Variants in SYNDIG1 observed in about 807,000 individuals in gnomAD.
SYNDIG1 encodes the protein synapse differentiation inducing 1.
SYNDIG1 carries 9 observed loss-of-function variants against 19.4 expected under a neutral mutation model. The observed-to-expected ratio is 0.46, with a 90% CI of 0.28 to 0.81. The LOEUF (loss-of-function observed/expected upper bound fraction) is 0.81, where lower values mean the gene tolerates loss of function less well. Ranked by LOEUF, SYNDIG1 falls within the 30% of genes least tolerant of loss-of-function variation. The probability of loss-of-function intolerance (pLI) is 0.12; values close to 1 mark genes in which losing one functional copy is unlikely to be tolerated. For missense variants in SYNDIG1, 311 were observed against 343.3 expected, an observed-to-expected ratio of 0.91 and a Z score of 0.74; for synonymous variants, 141 against 145.9, an observed-to-expected ratio of 0.97 and a Z score of 0.24.
At chr20:24,470,799 G>T (rs548836798) in intron 1 of SYNDIG1, among the ~76,000 whole-genome samples, 1 of 152,304 alleles carries the variant, frequency 6.6e-6, no homozygotes, top group Non-Finnish European at 1.5e-5. Context: ...GCACGCAGAG[G>T]CTTGGGCGCT....
chr20:24,585,055 G>GCCC, intron 3 of SYNDIG1, 62 bp downstream of exon 3: 11 of 685,352 alleles, frequency 1.6e-5, no homozygotes, highest in Non-Finnish European at 2.5e-5. Context: ...GGGTGGGGGC[G>GCCC]GCAATCCCAG....
intron 1 of SYNDIG1, among the ~76,000 whole-genome samples, chr20:24,519,819 A>G (rs556734315): frequency 6.6e-6 from 1 of 151,862 alleles, no homozygotes; most frequent in Admixed American, 6.6e-5. Context: ...ACAGACAGAC[A>G]CACGCACGCA....
At chr20:24,483,862 A>C (rs2055873334) in intron 1 of SYNDIG1, among the ~76,000 whole-genome samples, 1 of 152,140 alleles carries the variant, frequency 6.6e-6, no homozygotes, top group Admixed American at 6.6e-5. Flanking sequence ...GTGCAAGTGC[A>C]AGTGGCGATA....
intron 2 of SYNDIG1, among the ~76,000 whole-genome samples, chr20:24,578,441 CAAAAAAA>C (rs11087470): frequency 1.7e-5 from 2 of 118,348 alleles, no homozygotes; most frequent in Non-Finnish European, 3.6e-5. Context: ...GACTCTGTAT[CAAAAAAA>C]AAAAAAAGAA....
At chr20:24,547,515 TG>T (rs894440155) in intron 2 of SYNDIG1, among the ~76,000 whole-genome samples, 3 of 152,248 alleles carry the variant, frequency 2.0e-5, no homozygotes, top group African/African-American at 7.2e-5. Context: ...AGGGGACCTC[TG>T]GGGCTTTGCG....
intron 1 of SYNDIG1, among the ~76,000 whole-genome samples, chr20:24,515,290 G>A (rs955523269): frequency 3.3e-5 from 5 of 152,126 alleles, no homozygotes; most frequent in African/African-American, 1.2e-4. Context: ...AAGAACTGAA[G>A]GAGATAGAGA....
chr20:24,663,698 C>G (rs555880218), intron 3 of SYNDIG1, among the ~76,000 whole-genome samples: 13 of 152,296 alleles, frequency 8.5e-5, no homozygotes, highest in African/African-American at 3.1e-4. Flanking sequence ...CATGGGTGTT[C>G]CCACAGGGGT....
At chr20:24,633,944 A>G (rs1233894594) in intron 3 of SYNDIG1, among the ~76,000 whole-genome samples, 1 of 152,160 alleles carries the variant, frequency 6.6e-6, no homozygotes, top group Admixed American at 6.5e-5. Flanking sequence ...GCATCCGCCA[A>G]ACTCTGCCTG....
At chr20:24,652,387 C>T (rs565088611) in intron 3 of SYNDIG1, among the ~76,000 whole-genome samples, 33 of 152,088 alleles carry the variant, frequency 2.2e-4, no homozygotes, top group Non-Finnish European at 3.8e-4. Flanking sequence ...GCTGCCTTAC[C>T]GAGGAACGTT....
At chr20:24,572,938 G>A (rs2058168232) in intron 2 of SYNDIG1, among the ~76,000 whole-genome samples, 1 of 152,144 alleles carries the variant, frequency 6.6e-6, no homozygotes, top group African/African-American at 2.4e-5. Context: ...GTGGATGGAT[G>A]GATGTCAGGT....
At chr20:24,639,686 T>A (rs2059351817) in intron 3 of SYNDIG1, among the ~76,000 whole-genome samples, 1 of 152,228 alleles carries the variant, frequency 6.6e-6, no homozygotes. Context: ...GACATTGTGA[T>A]AAACTATGAA....
intron 1 of SYNDIG1, among the ~76,000 whole-genome samples, chr20:24,512,580 C>T (rs535224016): frequency 7.2e-5 from 11 of 152,150 alleles, no homozygotes; most frequent in African/African-American, 2.2e-4. Context: ...AAGGCAGCAG[C>T]GAGGCTGGGG....
intron 1 of SYNDIG1, among the ~76,000 whole-genome samples, chr20:24,542,374 T>G (rs1013122467): frequency 1.3e-5 from 2 of 152,200 alleles, no homozygotes; most frequent in Non-Finnish European, 2.9e-5. Context: ...AAATGCAGAT[T>G]CTGATTTAGT....
intron 3 of SYNDIG1, among the ~76,000 whole-genome samples, chr20:24,602,051 C>A (rs895872913): frequency 1.3e-5 from 2 of 151,932 alleles, no homozygotes; most frequent in African/African-American, 4.8e-5. Flanking sequence ...TCACCTACAA[C>A]CCTTCTTGTA....
chr20:24,532,137 G>T (rs1452514363), intron 1 of SYNDIG1, among the ~76,000 whole-genome samples: 1 of 152,156 alleles, frequency 6.6e-6, no homozygotes, highest in South Asian at 2.1e-4. Context: ...CTATATACCT[G>T]CCAGAAAAAG....
At chr20:24,636,575 G>T (rs1039107237) in intron 3 of SYNDIG1, among the ~76,000 whole-genome samples, 1 of 152,162 alleles carries the variant, frequency 6.6e-6, no homozygotes. Flanking sequence ...ATGCAGATGG[G>T]GTCTCTACCT....
chr20:24,542,999 C>A, intron 1 of SYNDIG1, 21 bp from the exon 2 acceptor site: 1 of 1,521,108 alleles, frequency 6.6e-7, no homozygotes, highest in Non-Finnish European at 8.9e-7. Flanking sequence ...CTTGTCTCAT[C>A]TCTGTTTTCT....
intron 2 of SYNDIG1, among the ~76,000 whole-genome samples, chr20:24,556,520 G>T (rs2057821878): frequency 6.6e-6 from 1 of 152,160 alleles, no homozygotes; most frequent in Non-Finnish European, 1.5e-5. Context: ...AAATCTCTCA[G>T]CATTTGCTTG....
chr20:24,488,732 G>T (rs2146292444), intron 1 of SYNDIG1, among the ~76,000 whole-genome samples: 1 of 152,292 alleles, frequency 6.6e-6, no homozygotes, highest in South Asian at 2.1e-4. Context: ...GAGCTCAGTG[G>T]GACCAAGGTG....
Sources: allele counts gnomAD v4.1 joint callset (sites outside exome capture counted in the v4.1 genomes callset), GRCh38; gene constraint gnomAD v4.1.1; transcripts MANE v1.5; gene names NCBI Gene and HGNC (gene_info 2026-07-23, HGNC 2026-07-21).